Variants in AXIN2 observed in about 807,000 individuals in gnomAD.
The protein encoded by AXIN2 is axin 2, also known as axin-2.
A neutral mutation model predicts 74.7 loss-of-function variants in AXIN2; 21 were observed. That is an observed-to-expected ratio of 0.28 (90% CI 0.20 to 0.40). AXIN2 has a LOEUF of 0.40. AXIN2 is among the 10% of genes least tolerant of loss of function. The pLI is 1.00. For synonymous variants in AXIN2, 532 were observed against 454.9 expected (o/e 1.17, Z -2.16); for missense variants, 1,144 against 1,111.1 (o/e 1.03, Z -0.42).
chr17:65,561,442 A>AC lies in AXIN2; in HGVS notation c.-117+7dup, dbSNP rs1064795185. The stretch of plus-strand genomic sequence containing the variant: ...GCGGCTCCGCTGGGGCCGAGCTTCC[A>AC]CCCCCACCTTTTACAGCAGGGCCTT... On this transcript the variant is annotated splice_region_variant and intron_variant, in intron 1 of 10. Coordinates refer to ENST00000307078, the MANE Select transcript of AXIN2 (RefSeq NM_004655.4). 6.8e-6 allele frequency: 1 copy of AC among 147,274 alleles called. No homozygotes were observed. The highest frequency in any genetic ancestry group is 2.5e-5 in the African/African-American group (1 of 40,026). 9.1% of individuals were successfully genotyped at this position (147,274 alleles called of 1,614,324 possible). A position where few individuals can be genotyped will look rare whatever the true frequency, so the allele number is the denominator to read the frequency against.
chr17:65,537,847 G>A lies in AXIN2; in HGVS notation c.1201-12C>T, dbSNP rs764293768. 1.3e-5 allele frequency: 20 copies of A among 1,537,054 alleles called. No individual in the cohort carries two copies. The highest frequency in any genetic ancestry group is 1.6e-5 in the Non-Finnish European group (18 of 1,142,164). ...TCTCTCTCTTCATCCTGAAAGGGAA[G>A]ACGTCAGAAGGAGAAGTGACCCAGG... On this transcript the variant is annotated splice_polypyrimidine_tract_variant and intron_variant, in intron 5 of 10. Coordinates refer to ENST00000307078, the MANE Select transcript of AXIN2 (RefSeq NM_004655.4).
chr17:65,559,503 G>A (rs1318273940), intron 1 of AXIN2: 1 of 150,008 alleles, frequency 6.7e-6, no homozygotes, highest in South Asian at 2.1e-4. Context: ...CCCCAAACCA[G>A]AAACCAACTC....
intron 4 of AXIN2, among the ~76,000 whole-genome samples, chr17:65,539,024 G>A (rs1321960957): frequency 6.6e-6 from 1 of 152,186 alleles, no homozygotes; most frequent in Admixed American, 6.5e-5. Flanking sequence ...ACACTGCTGA[G>A]CTTGGCTGCC....
intron 3 of AXIN2, among the ~76,000 whole-genome samples, chr17:65,543,028 G>A (rs2044065400): frequency 6.6e-6 from 1 of 152,132 alleles, no homozygotes; most frequent in African/African-American, 2.4e-5. Context: ...TCAGAAAACA[G>A]GAACACAAGG....
intron 4 of AXIN2, among the ~76,000 whole-genome samples, chr17:65,540,726 C>G (rs2144495098): frequency 6.6e-6 from 1 of 152,252 alleles, no homozygotes; most frequent in South Asian, 2.1e-4. Context: ...ACCACCCCCC[C>G]AACCTCAGCT....
rs1368392084 is a variant in AXIN2 at position 65,555,793 on chromosome 17, C to T, written c.815+2013G>A. 2.0e-5 allele frequency among the ~76,000 whole-genome samples: 3 copies of T among 152,192 alleles called. No homozygotes were observed. In the East Asian group the frequency reaches 5.8e-4, roughly 29 times the overall value. On this transcript the variant is annotated intron_variant, in intron 2 of 10. Transcript: ENST00000307078. The stretch of plus-strand genomic sequence containing the variant: ...CCTTTCCATACACTGTGCACACACT[C>T]GAATATCTTGCACGTTAAAATGATG...
rs1188038183 is a variant in AXIN2, at chr17:65,529,871, A to G, written c.*105T>C. ...TTCTTCCTTAGACTTTGTCTTCTTC[A>G]TTGGTTTAATTTTCCTTCAAAATGT... is the stretch of plus-strand genomic sequence containing the variant. On this transcript the variant is annotated 3_prime_UTR_variant, in exon 11 of 11. Transcript: ENST00000307078. 1.9e-6 allele frequency: 3 copies of G among 1,594,906 alleles called. No homozygotes were observed. Among genetic ancestry groups the G allele is most frequent in the Non-Finnish European group, 2.6e-6 (3 of 1,167,926 alleles).
chr17:65,537,623 G>A lies in AXIN2; in HGVS notation c.1413C>T (p.His471=), dbSNP rs1213025395. 1.3e-6 allele frequency: 2 copies of A among 1,594,498 alleles called. No individual in the cohort carries two copies. The highest frequency in any genetic ancestry group is 4.5e-5 in the East Asian group (2 of 44,254). The change falls in exon 6 of 11, where the codon CAC becomes CAT. Residue 471 remains histidine, a synonymous_variant. Transcript: ENST00000307078. ...SPRSRSPDHH[H]HHHSQYHSLL... is the part of the protein sequence containing the mutation. ...GGGAGTGGTACTGCGAATGGTGGTGGTGGTGGTGGTCCGGGGAGCGGGAGC... is the reference window on the plus strand; with the variant it reads ...GGGAGTGGTACTGCGAATGGTGGTGATGGTGGTGGTCCGGGGAGCGGGAGC...
intron 10 of AXIN2, among the ~76,000 whole-genome samples, chr17:65,532,616 C>T (rs2043841541): frequency 1.3e-5 from 2 of 152,236 alleles, no homozygotes; most frequent in Admixed American, 1.3e-4. Context: ...CCCAAACTAA[C>T]TCCCAGATGA....
intron 2 of AXIN2, 120 bp downstream of exon 2, chr17:65,557,686 C>T: frequency 9.7e-7 from 1 of 1,032,004 alleles, no homozygotes; most frequent in South Asian, 1.4e-5. Flanking sequence ...GGTTCATGGC[C>T]AGCAGTCCTA....
At chr17:65,551,532 C>G (rs918894778) in intron 2 of AXIN2, among the ~76,000 whole-genome samples, 2 of 152,048 alleles carry the variant, frequency 1.3e-5, no homozygotes, top group African/African-American at 4.8e-5. Flanking sequence ...GGTCTGTCAC[C>G]AGACTGGATG....
At chr17:65,531,328 T>C (rs548965529) in intron 10 of AXIN2, among the ~76,000 whole-genome samples, 1 of 152,268 alleles carries the variant, frequency 6.6e-6, no homozygotes, top group Non-Finnish European at 1.5e-5. Flanking sequence ...TCTTTGTTTT[T>C]AGCATTCCTG....
intron 8 of AXIN2, 95 bp downstream of exon 8, chr17:65,536,225 C>CA (rs778168412): frequency 1.8e-5 from 23 of 1,292,950 alleles, no homozygotes; most frequent in Non-Finnish European, 2.4e-5. Context: ...GTTTGAGACC[C>CA]AGGCAGAAAG....
In AXIN2 at chr17:65,537,727, T is replaced by A. The variant is rs1445382048; in HGVS notation, c.1309A>T (p.Thr437Ser). The A allele has an allele frequency of 6.4e-7, 1 of 1,562,922 alleles. No individual in the cohort carries two copies. The highest frequency in any genetic ancestry group is 8.7e-7 in the Non-Finnish European group (1 of 1,153,612). The change falls in exon 6 of 11, where the codon ACG becomes TCG. Residue 437 changes from threonine to serine, a missense_variant. This residue lies in a region of AXIN2 where 1,053 missense variants were observed against 973.5 expected (regional missense o/e 1.08). Coordinates refer to ENST00000307078, the MANE Select transcript of AXIN2 (RefSeq NM_004655.4). Reference sequence around the variant, plus strand: ...CTGGACAGGTGATCGTCCAGTATCGTCTGCGGGTCTTCCTCGTAGCTGCCG... The same window carrying A: ...CTGGACAGGTGATCGTCCAGTATCGACTGCGGGTCTTCCTCGTAGCTGCCG... ...PSGSYEEDPQ[T>S]ILDDHLSRVL...
chr17:65,561,028 G>T (rs1426905807), intron 1 of AXIN2: 1 of 149,146 alleles, frequency 6.7e-6, no homozygotes, highest in Non-Finnish European at 1.5e-5. Flanking sequence ...CACCGGCCGG[G>T]GAGGGGGAAC....
At chr17:65,557,742 C>T in intron 2 of AXIN2, 64 bp downstream of exon 2, 1 of 1,524,558 alleles carries the variant, frequency 6.6e-7, no homozygotes, top group Non-Finnish European at 9.1e-7. Flanking sequence ...TCCACCCATC[C>T]ACCATACTTA....
At position 65,529,358 on chromosome 17, in the gene AXIN2, A is replaced by C. The variant is rs2043778674; in HGVS notation, c.*618T>G. On this transcript the variant is annotated 3_prime_UTR_variant, in exon 11 of 11. Transcript: ENST00000307078. ...GAGCAGCATAGGAAAAAAAAAAACA[A>C]AACGCACCAATTTCTGCATGTGTCA... The C allele has an allele frequency of 8.3e-6, 2 of 240,632 alleles. No homozygotes were observed. Among genetic ancestry groups the C allele is most frequent in the Non-Finnish European group, 8.2e-6 (1 of 122,266 alleles). 14.9% of individuals were successfully genotyped at this position (240,632 alleles called of 1,614,324 possible).
rs2043954088 is a variant in AXIN2, at chr17:65,537,604, G to A, written c.1432C>T (p.His478Tyr). Residue 478 changes from histidine to tyrosine, a missense_variant, in exon 6 of 11, where the codon CAC (histidine) becomes TAC (tyrosine). His to Tyr is a moderately conservative substitution (Grantham distance 83). Around this residue, in one of 4 missense-constraint regions of AXIN2, gnomAD observed 1,053 missense variants for 973.5 expected, o/e 1.08. Transcript: ENST00000307078. ...DHHHHHHSQY[H>Y]SLLPPGGKLP... ...TTGCCACCGGGCGGGAGCAGGGAGTGGTACTGCGAATGGTGGTGGTGGTGG... is the reference window on the plus strand; with the variant it reads ...TTGCCACCGGGCGGGAGCAGGGAGTAGTACTGCGAATGGTGGTGGTGGTGG... 1 of 1,602,222 alleles carries A rather than the reference G, an allele frequency of 6.2e-7. No homozygotes were observed. The highest frequency in any genetic ancestry group is 8.5e-7 in the Non-Finnish European group (1 of 1,176,210).
rs2043847951 is a variant in AXIN2, at chr17:65,532,901, G to A, written c.2405+1011C>T. Among the ~76,000 whole-genome samples the A allele has an allele frequency of 3.3e-5, 5 of 152,314 alleles. No homozygotes were observed. The South Asian group carries it at 1.0e-3, about 32-fold the overall frequency. On this transcript the variant is annotated intron_variant, in intron 10 of 10. Coordinates refer to ENST00000307078, the MANE Select transcript of AXIN2 (RefSeq NM_004655.4). ...CAGAGTGAGCACCTCCTTAAACTAG[G>A]GTGCCCCTGTCTCACCCTTGTCCCA...
Sources: gnomAD v4.1 joint callset for allele counts (sites outside exome capture counted in the v4.1 genomes callset) on GRCh38, gnomAD v4.1.1 for gene constraint, gnomAD v4.1.1 regional missense constraint, MANE v1.5 for transcripts, NCBI Gene and HGNC (gene_info 2026-07-23, HGNC 2026-07-21) for gene names.